The following CTDSPL variants were observed in gnomAD, a reference collection of about 807,000 sequenced individuals.
The protein encoded by CTDSPL is CTD small phosphatase-like protein.
CTDSPL carries 8 observed loss-of-function variants against 30.5 expected under a neutral mutation model. The observed-to-expected ratio is 0.26, with a 90% CI of 0.15 to 0.47. The LOEUF (loss-of-function observed/expected upper bound fraction) is 0.47. CTDSPL is among the 20% of genes least tolerant of loss of function. The pLI is 0.99. For missense variants in CTDSPL, 248 were observed against 366.1 expected (o/e 0.68, Z 2.63); for synonymous variants, 110 against 137.9 (o/e 0.80, Z 1.42).
chr3:37,965,055 C>T (rs1219849692), intron 4 of CTDSPL, among the ~76,000 whole-genome samples: 1 of 152,194 alleles, frequency 6.6e-6, no homozygotes, highest in Non-Finnish European at 1.5e-5. Flanking sequence ...AGGGGAGTCT[C>T]TGTTGGAAAC....
At chr3:37,876,215 G>A (rs1698132866) in intron 1 of CTDSPL, among the ~76,000 whole-genome samples, 1 of 151,988 alleles carries the variant, frequency 6.6e-6, no homozygotes, top group Non-Finnish European at 1.5e-5. Flanking sequence ...CTGCACTCCA[G>A]CCTGAGTGAC....
In CTDSPL at chr3:37,982,427, C is replaced by A. The variant is rs771383446; in HGVS notation, c.*1560C>A. 9.0e-5 allele frequency: 36 copies of A among 397,896 alleles called. No homozygotes were observed. Among genetic ancestry groups the A allele is most frequent in the Non-Finnish European group, 1.8e-4 (36 of 199,196 alleles). 24.6% of individuals were successfully genotyped at this position (397,896 alleles called of 1,614,324 possible). On this transcript the variant is annotated 3_prime_UTR_variant, in exon 8 of 8. Coordinates refer to ENST00000273179, the MANE Select transcript of CTDSPL (RefSeq NM_001008392.2). ...TGCTCTTAAAAACAATTAAAAAGAA[C>A]CCTTTCATATTGGCACCATTGCCTT... is the stretch of plus-strand genomic sequence containing the variant.
At position 37,982,656 on chromosome 3, in the gene CTDSPL, G is replaced by A; in HGVS notation, c.*1789G>A. On this transcript the variant is annotated 3_prime_UTR_variant, in exon 8 of 8. Transcript: ENST00000273179. The stretch of plus-strand genomic sequence containing the variant: ...ATTCAGAAGGGAAGTAAGTATTCAG[G>A]GGGTAAACAGGTCTCCCAGCATTCT... The A allele has an allele frequency of 4.4e-6, 2 of 455,344 alleles. No homozygotes were observed. Among genetic ancestry groups the A allele is most frequent in the Non-Finnish European group, 8.8e-6 (2 of 226,950 alleles). The allele number at this position is 455,344 out of a possible 1,614,324, so 28.2% of individuals were successfully genotyped here.
intron 1 of CTDSPL, among the ~76,000 whole-genome samples, chr3:37,874,447 A>G (rs531982305): frequency 6.6e-6 from 1 of 152,238 alleles, no homozygotes; most frequent in East Asian, 1.9e-4. Flanking sequence ...ATACAGACAC[A>G]AGGCCGGGCG....
chr3:37,893,219 T>G (rs959061550), intron 1 of CTDSPL, among the ~76,000 whole-genome samples: 5 of 152,192 alleles, frequency 3.3e-5, no homozygotes, highest in African/African-American at 1.2e-4. Flanking sequence ...TTAATAACTG[T>G]GTTTGGCAAT....
At chr3:37,977,533 T>A (rs1699442218) in intron 7 of CTDSPL, among the ~76,000 whole-genome samples, 1 of 152,124 alleles carries the variant, frequency 6.6e-6, no homozygotes, top group Non-Finnish European at 1.5e-5. Context: ...CCTTATATCC[T>A]CTAAACAAGT....
At chr3:37,889,576 A>C (rs777059630) in intron 1 of CTDSPL, among the ~76,000 whole-genome samples, 10 of 152,198 alleles carry the variant, frequency 6.6e-5, no homozygotes, top group Non-Finnish European at 2.9e-5. Flanking sequence ...AAAGAGAGAA[A>C]AGGAAATTAT....
chr3:37,977,608 G>A (rs1219344238), intron 7 of CTDSPL, among the ~76,000 whole-genome samples: 2 of 151,360 alleles, frequency 1.3e-5, no homozygotes, highest in Non-Finnish European at 2.9e-5. Context: ...TATCATAGAG[G>A]CCAGATGCAA....
Position 37,981,901 on chromosome 3 carries a change from G to A in CTDSPL, c.*1034G>A, listed in dbSNP as rs1203121395. On this transcript the variant is annotated 3_prime_UTR_variant, in exon 8 of 8. Transcript: ENST00000273179. ...CACCAAATGGAATTGACCAGCGGCT[G>A]TTACACTGTTCTTTGCCACTGTGCC... 1 of 457,028 alleles carries A rather than the reference G, an allele frequency of 2.2e-6. No individual in the cohort carries two copies. The highest frequency in any genetic ancestry group is 4.4e-6 in the Non-Finnish European group (1 of 227,052). 28.3% of individuals were successfully genotyped at this position (457,028 alleles called of 1,614,324 possible). A position where few individuals can be genotyped will look rare whatever the true frequency, so the allele number is the denominator to read the frequency against.
At chr3:37,889,911 G>A (rs1294744598) in intron 1 of CTDSPL, among the ~76,000 whole-genome samples, 2 of 152,184 alleles carry the variant, frequency 1.3e-5, no homozygotes, top group East Asian at 3.8e-4. Context: ...TTTCAATCAA[G>A]TGTAAAGACA....
chr3:37,919,292 G>C (rs1698686696), intron 1 of CTDSPL, among the ~76,000 whole-genome samples: 1 of 152,166 alleles, frequency 6.6e-6, no homozygotes, highest in African/African-American at 2.4e-5. Context: ...GTGAGCAGAG[G>C]ATTTTCCTTC....
At position 37,981,793 on chromosome 3, in the gene CTDSPL, T is replaced by C. The variant is rs1249153597; in HGVS notation, c.*926T>C. On this transcript the variant is annotated 3_prime_UTR_variant, in exon 8 of 8. Transcript: ENST00000273179. ...ACCCTTGGATATAAAAGAAATCTGT[T>C]TATTGATTTTTAAATCTTTCCTTTC... The C allele has an allele frequency of 2.2e-6, 1 of 456,636 alleles. No homozygotes were observed. The highest frequency in any genetic ancestry group is 4.4e-6 in the Non-Finnish European group (1 of 226,960). 28.3% of individuals were successfully genotyped at this position (456,636 alleles called of 1,614,324 possible). A position where few individuals can be genotyped will look rare whatever the true frequency, so the allele number is the denominator to read the frequency against.
intron 1 of CTDSPL, among the ~76,000 whole-genome samples, chr3:37,914,798 GA>G (rs1272682519): frequency 2.0e-5 from 3 of 150,776 alleles, no homozygotes; most frequent in Non-Finnish European, 4.4e-5. Context: ...GGTTTGGTTA[GA>G]CTTGCAAAAT....
intron 1 of CTDSPL, among the ~76,000 whole-genome samples, chr3:37,878,182 A>G (rs1163970926): frequency 1.3e-5 from 2 of 152,110 alleles, no homozygotes; most frequent in African/African-American, 4.8e-5. Flanking sequence ...GAAGATCAGA[A>G]ATTTCTAATT....
chr3:37,951,854 TAATA>T (rs1699113287), intron 2 of CTDSPL, among the ~76,000 whole-genome samples: 1 of 152,036 alleles, frequency 6.6e-6, no homozygotes, highest in South Asian at 2.1e-4. Context: ...AAATAACAGA[TAATA>T]AATAGCAAAC....
In CTDSPL at chr3:37,975,555, T is replaced by G. The variant is rs1028815645; in HGVS notation, c.520-154T>G. Among the ~76,000 whole-genome samples, 7 of 152,342 alleles carry G rather than the reference T, an allele frequency of 4.6e-5. No individual in the cohort carries two copies. Among genetic ancestry groups the G allele is most frequent in the African/African-American group, 1.7e-4 (7 of 41,590 alleles). On this transcript the variant is annotated intron_variant, in intron 6 of 7. Transcript: ENST00000273179. This position sits in a 1 kb window ranked among gnomAD's most constrained non-coding sequence, Gnocchi z 4.9. ...AGAAATGGAAGAATCCAGTGCCATC[T>G]TATGTACACGGAGAGGAAAATAACC...
intron 1 of CTDSPL, among the ~76,000 whole-genome samples, chr3:37,866,322 A>C (rs1307100600): frequency 6.6e-6 from 1 of 152,212 alleles, no homozygotes; most frequent in East Asian, 1.9e-4. Context: ...ACCTTTGTAA[A>C]AAAAAAATCA....
intron 2 of CTDSPL, 74 bp downstream of exon 2, chr3:37,947,285 T>G: frequency 3.9e-6 from 6 of 1,529,398 alleles, no homozygotes. Context: ...TTGATGAATA[T>G]CCTTAAGAAG....
chr3:37,962,594 G>A (rs1469110995), intron 3 of CTDSPL, among the ~76,000 whole-genome samples: 3 of 152,188 alleles, frequency 2.0e-5, no homozygotes, highest in African/African-American at 7.2e-5. Context: ...TTATTCTTGG[G>A]TTTGGAAAAT....
Sources: gnomAD v4.1 joint callset for allele counts (sites outside exome capture counted in the v4.1 genomes callset) on GRCh38, gnomAD v4.1.1 for gene constraint, Gnocchi (gnomAD v3.1) non-coding constraint, MANE v1.5 for transcripts, NCBI Gene and HGNC (gene_info 2026-07-23, HGNC 2026-07-21) for gene names.